Variants in ABLIM1 observed in about 807,000 individuals in gnomAD.
The protein encoded by ABLIM1 is actin binding LIM protein 1.
Under a neutral mutation model 107.0 loss-of-function variants are expected in ABLIM1, and 40 were observed. That is an observed-to-expected ratio of 0.37 (90% CI 0.29 to 0.49). ABLIM1 has a LOEUF of 0.49. Ranked by LOEUF, ABLIM1 falls within the 20% of genes least tolerant of loss-of-function variation. The pLI, the probability that ABLIM1 is intolerant of heterozygous loss-of-function variation, is 0.97. For synonymous variants in ABLIM1, 357 were observed against 357.3 expected (o/e 1.00, Z 0.01); for missense variants, 857 against 1,008.5 (o/e 0.85, Z 2.04).
intron 14 of ABLIM1, 50 bp from the exon 15 acceptor site, chr10:114,448,070 A>T (rs991504736): frequency 2.5e-6 from 4 of 1,611,448 alleles, no homozygotes; most frequent in Middle Eastern, 1.7e-4. Flanking sequence ...TCTGTAAGAC[A>T]ATGGCGGTAC....
At chr10:114,573,589 C>T (rs192098480) in intron 3 of ABLIM1, among the ~76,000 whole-genome samples, 1 of 152,328 alleles carries the variant, frequency 6.6e-6, no homozygotes, top group Non-Finnish European at 1.5e-5. Flanking sequence ...TGACTGACAA[C>T]ATACATGAGA....
At chr10:114,555,614 T>C (rs2068628643) in intron 4 of ABLIM1, among the ~76,000 whole-genome samples, 1 of 152,132 alleles carries the variant, frequency 6.6e-6, no homozygotes, top group Non-Finnish European at 1.5e-5. Flanking sequence ...TGAATGTAAA[T>C]CATTACATTA....
At chr10:114,670,085 C>G (rs942368615) in intron 1 of ABLIM1, among the ~76,000 whole-genome samples, 4 of 152,164 alleles carry the variant, frequency 2.6e-5, no homozygotes, top group African/African-American at 4.8e-5. Flanking sequence ...ACAGAAGGGA[C>G]TGCAGAACTC....
chr10:114,762,058 G>C (rs1024263870), intron 1 of ABLIM1, among the ~76,000 whole-genome samples: 1 of 150,424 alleles, frequency 6.6e-6, no homozygotes, highest in Admixed American at 6.6e-5. Context: ...TTTTGAGATG[G>C]AGTCTCACTT....
At chr10:114,712,090 C>T (rs900003084) in intron 1 of ABLIM1, among the ~76,000 whole-genome samples, 1 of 152,092 alleles carries the variant, frequency 6.6e-6, no homozygotes, top group African/African-American at 2.4e-5. Flanking sequence ...CGGTGACTCA[C>T]ACCTGTAATC....
intron 2 of ABLIM1, among the ~76,000 whole-genome samples, chr10:114,584,833 A>G (rs2074009519): frequency 6.6e-6 from 1 of 152,178 alleles, no homozygotes; most frequent in Non-Finnish European, 1.5e-5. Context: ...AATATTAAGT[A>G]AAGAGCCCTG....
At chr10:114,644,081 AC>A in intron 1 of ABLIM1, among the ~76,000 whole-genome samples, 1 of 150,994 alleles carries the variant, frequency 6.6e-6, no homozygotes, top group Non-Finnish European at 1.5e-5. Flanking sequence ...GGAGATAGAG[AC>A]CACCCTGGCT....
intron 1 of ABLIM1, among the ~76,000 whole-genome samples, chr10:114,754,316 T>G (rs1207480207): frequency 1.3e-5 from 2 of 152,248 alleles, no homozygotes; most frequent in African/African-American, 4.8e-5. Flanking sequence ...AACCGTGAAT[T>G]TCTTAGATGG....
chr10:114,754,063 G>A (rs1186042574), intron 1 of ABLIM1, among the ~76,000 whole-genome samples: 2 of 152,144 alleles, frequency 1.3e-5, no homozygotes, highest in Admixed American at 6.5e-5. Flanking sequence ...CGTTGGCCAG[G>A]CTGGTCTCAA....
At chr10:114,728,770 A>T (rs1291210814) in intron 1 of ABLIM1, among the ~76,000 whole-genome samples, 1 of 152,086 alleles carries the variant, frequency 6.6e-6, no homozygotes, top group Non-Finnish European at 1.5e-5. Flanking sequence ...GATTTAAGTG[A>T]TCTGGGAGGG....
intron 6 of ABLIM1, among the ~76,000 whole-genome samples, chr10:114,507,809 G>A (rs893385954): frequency 6.6e-6 from 1 of 152,206 alleles, no homozygotes; most frequent in African/African-American, 2.4e-5. Context: ...GGCTGTTGGG[G>A]TGACCCTCCA....
At chr10:114,641,247 T>TAAAAAAAAAAAAAAAAA (rs35168530) in intron 1 of ABLIM1, among the ~76,000 whole-genome samples, 1 of 37,060 alleles carries the variant, frequency 2.7e-5, no homozygotes, top group African/African-American at 8.5e-5. Flanking sequence ...AAGCCAATCA[T>TAAAAAAAAAAAAAAAAA]AAAAAAAAAA....
intron 1 of ABLIM1, among the ~76,000 whole-genome samples, chr10:114,627,291 C>T (rs2077875781): frequency 6.6e-6 from 1 of 152,188 alleles, no homozygotes; most frequent in African/African-American, 2.4e-5. Context: ...TCTTTAAAGC[C>T]TCAGTTTAAG....
At chr10:114,796,763 T>A in the ABLIM1 span, among the ~76,000 whole-genome samples, 1 of 152,220 alleles carries the variant, frequency 6.6e-6, no homozygotes, top group Non-Finnish European at 1.5e-5. Flanking sequence ...TCCACTGTCA[T>A]GTCAAAATTC....
chr10:114,524,916 T>C (rs2064408842), intron 6 of ABLIM1, among the ~76,000 whole-genome samples: 1 of 152,248 alleles, frequency 6.6e-6, no homozygotes, highest in Non-Finnish European at 1.5e-5. Context: ...AAAACACCTG[T>C]CCTGCCACTG....
intron 1 of ABLIM1, among the ~76,000 whole-genome samples, chr10:114,744,371 C>T (rs944709247): frequency 2.0e-5 from 3 of 152,164 alleles, no homozygotes; most frequent in African/African-American, 7.2e-5. Flanking sequence ...CTTTAATTTC[C>T]AATCCACCGC....
Position 114,468,162 on chromosome 10 carries a change from A to G in ABLIM1, c.1311+19T>C, listed in dbSNP as rs772108978. ...CTCAAATTCCACCCATTAAAATGAT[A>G]AAAAGAAATGGTACTTACTTCTGCT... On this transcript the variant is annotated intron_variant, in intron 11 of 22. Transcript: ENST00000533213. 6.2e-7 allele frequency: 1 copy of G among 1,609,006 alleles called. No homozygotes were observed. The highest frequency in any genetic ancestry group is 1.1e-5 in the South Asian group (1 of 90,950).
the ABLIM1 span, among the ~76,000 whole-genome samples, chr10:114,774,547 C>T: frequency 2.0e-5 from 3 of 152,078 alleles, no homozygotes; most frequent in East Asian, 1.9e-4. Flanking sequence ...GCACATATAC[C>T]GGGTGAAGTT....
At chr10:114,717,991 A>AAATG (rs2081719032) in intron 1 of ABLIM1, among the ~76,000 whole-genome samples, 1 of 86,792 alleles carries the variant, frequency 1.2e-5, no homozygotes, top group Non-Finnish European at 2.1e-5. Context: ...AGAAAGAAAG[A>AAATG]AAGGAAGGAA....
Sources: allele counts gnomAD v4.1 joint callset (sites outside exome capture counted in the v4.1 genomes callset), GRCh38; gene constraint gnomAD v4.1.1; transcripts MANE v1.5; gene names NCBI Gene and HGNC (gene_info 2026-07-23, HGNC 2026-07-21).